ZC3H18: variants seen among roughly 807,000 people sequenced by gnomAD.
ZC3H18 encodes the protein zinc finger CCCH domain-containing protein 18.
ZC3H18 carries 8 observed loss-of-function variants against 106.1 expected under a neutral mutation model. That is an observed-to-expected ratio of 0.08 (90% CI 0.04 to 0.14). ZC3H18 has a LOEUF of 0.14. Among genes scored for constraint, ZC3H18 ranks in the 10% least tolerant of loss-of-function variants. The pLI is 1.00. For missense variants in ZC3H18, 1,318 were observed against 1,278.4 expected, an observed-to-expected ratio of 1.03 and a Z score of -0.47; for synonymous variants, 635 against 522.1, an observed-to-expected ratio of 1.22 and a Z score of -2.95.
In ZC3H18 at chr16:88,631,349, G is replaced by A. The variant is rs774391711; in HGVS notation, c.*50G>A. 6.5e-7 allele frequency: 1 copy of A among 1,549,036 alleles called. No individual in the cohort carries two copies. Among genetic ancestry groups the A allele is most frequent in the African/African-American group, 1.4e-5 (1 of 72,978 alleles). ...CATTTTTATACATAGGGTAAGCGCA[G>A]CCATTTTGGATTTTGCAGTTAATGT... On this transcript the variant is annotated 3_prime_UTR_variant, in exon 18 of 18. Transcript: ENST00000301011.
At chr16:88,616,430 C>T (rs1440944790) in intron 8 of ZC3H18, among the ~76,000 whole-genome samples, 2 of 152,230 alleles carry the variant, frequency 1.3e-5, no homozygotes, top group Admixed American at 1.3e-4. Flanking sequence ...GGCTGACGTT[C>T]TCTGCGTCGC....
At position 88,627,954 on chromosome 16, in the gene ZC3H18, A is replaced by G. The variant is rs765651034; in HGVS notation, c.2304A>G (p.Glu768=). ...KSKKEDGVKE[E]KRKRDSSTQP... ...AGAAAGAAGACGGTGTTAAAGAGGAAAAGCGGAAAAGGGATTCGTCCACAC... is the reference window on the plus strand; with the variant it reads ...AGAAAGAAGACGGTGTTAAAGAGGAGAAGCGGAAAAGGGATTCGTCCACAC... The change falls in exon 15 of 18, where the codon GAA becomes GAG. Residue 768 remains glutamate, a synonymous_variant. Transcript: ENST00000301011. This position sits in a 1 kb window ranked among gnomAD's most constrained non-coding sequence, Gnocchi z 4.5. 1 of 1,614,148 alleles carries G rather than the reference A, an allele frequency of 6.2e-7. No individual in the cohort carries two copies. The highest frequency in any genetic ancestry group is 1.1e-5 in the South Asian group (1 of 91,092).
At chr16:88,609,114 T>G in intron 7 of ZC3H18, 63 bp downstream of exon 7, 1 of 1,387,994 alleles carries the variant, frequency 7.2e-7, no homozygotes, top group Non-Finnish European at 1.0e-6. Flanking sequence ...TTATCCCTTT[T>G]TATTTACAGT....
chr16:88,611,732 G>A (rs1486890700), intron 8 of ZC3H18, among the ~76,000 whole-genome samples, 196 bp downstream of exon 8: 2 of 152,218 alleles, frequency 1.3e-5, no homozygotes. Context: ...AAACTCCCAA[G>A]GCCGTGACAT....
intron 7 of ZC3H18, among the ~76,000 whole-genome samples, chr16:88,610,143 C>G (rs903941144): frequency 2.0e-5 from 3 of 152,168 alleles, no homozygotes; most frequent in Non-Finnish European, 4.4e-5. Flanking sequence ...TCTCCCTGGT[C>G]TGAGCCTCAG....
At chr16:88,582,188 C>A (rs372925610) in intron 2 of ZC3H18, among the ~76,000 whole-genome samples, 1 of 148,460 alleles carries the variant, frequency 6.7e-6, no homozygotes, top group Non-Finnish European at 1.5e-5. Flanking sequence ...AATATTTTCT[C>A]CTGTTTAAAT....
At chr16:88,601,805 C>T (rs954942005) in intron 6 of ZC3H18, among the ~76,000 whole-genome samples, 1 of 152,096 alleles carries the variant, frequency 6.6e-6, no homozygotes, top group Admixed American at 6.6e-5. Flanking sequence ...TGCCATGCCT[C>T]CCCCGAGACC....
chr16:88,617,096 G>A (rs914438271), intron 8 of ZC3H18, among the ~76,000 whole-genome samples: 29 of 152,186 alleles, frequency 1.9e-4, no homozygotes, highest in African/African-American at 6.5e-4. Context: ...ACACTGCCCT[G>A]AGCTATCTGA....
chr16:88,584,763 C>A (rs558496396), intron 2 of ZC3H18, among the ~76,000 whole-genome samples: 10 of 152,302 alleles, frequency 6.6e-5, no homozygotes, highest in African/African-American at 2.4e-4. Context: ...AAGGTGGTTA[C>A]ATTGTTCTCC....
chr16:88,602,792 C>T lies in ZC3H18; in HGVS notation c.1088+2844C>T, dbSNP rs184731637. Among the ~76,000 whole-genome samples the T allele has an allele frequency of 5.4e-4, 82 of 152,274 alleles. 1 individual carries two copies. The highest frequency in any genetic ancestry group is 1.0e-3 in the Admixed American group (16 of 15,298). ...CCTCCTAAGTTGCTGGGAATATAGA[C>T]GTTAGCCACCTGATGTTGAGTTTTG... is the stretch of plus-strand genomic sequence containing the variant. On this transcript the variant is annotated intron_variant, in intron 6 of 17. Transcript: ENST00000301011.
At chr16:88,612,569 C>T (rs942325698) in intron 8 of ZC3H18, among the ~76,000 whole-genome samples, 7 of 151,048 alleles carry the variant, frequency 4.6e-5, no homozygotes, top group East Asian at 1.9e-4. Context: ...CCCAGCTACT[C>T]GGGAGGCCAA....
chr16:88,623,076 T>C (rs1367753207), intron 9 of ZC3H18, 143 bp from the exon 10 acceptor site: 1 of 1,205,736 alleles, frequency 8.3e-7, no homozygotes, highest in Non-Finnish European at 1.1e-6. Context: ...TGCGCGCGTC[T>C]GCAGCTGTGC....
rs1462487215 is a variant in ZC3H18 at position 88,577,218 on chromosome 16, G to A, written c.95G>A (p.Ser32Asn). ...GLSDDDILRD[S>N]GSDQDLDGAG... ...TCGGACGATGACATTCTGAGGGACA[G>A]CGGGTCCGATCAGGATTTGGACGGG... The change falls in exon 2 of 18, where the codon AGC (serine) becomes AAC (asparagine). Residue 32 changes from serine to asparagine, a missense_variant. By Grantham distance (46) the Ser-to-Asn change is conservative (BLOSUM62 1). Transcript: ENST00000301011. 2 of 1,613,244 alleles carry A rather than the reference G, an allele frequency of 1.2e-6. No homozygotes were observed. Among genetic ancestry groups the A allele is most frequent in the Non-Finnish European group, 8.5e-7 (1 of 1,179,660 alleles).
In ZC3H18 at chr16:88,623,919, C is replaced by A. The variant is rs375572337; in HGVS notation, c.1794-39C>A. On this transcript the variant is annotated intron_variant, in intron 10 of 17. Coordinates refer to ENST00000301011, the MANE Select transcript of ZC3H18 (RefSeq NM_144604.4). Reference sequence around the variant, plus strand: ...GTGGGCTTGGGCTGGTGAAGAAACACCCCCAGGCCCCTTCCGACACCTTTG... The same window carrying A: ...GTGGGCTTGGGCTGGTGAAGAAACAACCCCAGGCCCCTTCCGACACCTTTG... The A allele has an allele frequency of 3.2e-6, 5 of 1,571,836 alleles. No homozygotes were observed. The African/African-American group carries it at 5.4e-5, about 17-fold the overall frequency.
rs1904555767 is a variant in ZC3H18, at chr16:88,598,304, C to T, written c.815C>T (p.Pro272Leu). Residue 272 changes from proline (P) to leucine (L), a missense_variant, in exon 4 of 18, where the codon CCG (proline) becomes CTG (leucine). This residue lies in a region of ZC3H18 where 78 missense variants were observed against 67.3 expected (regional missense o/e 1.16). Transcript: ENST00000301011. ...PNGAPPLGPH[P>L]LMPANPWGGP... ...GGTGCCCCGCCTCTCGGACCTCACCCGCTGATGCCCGCCAACCCTTGGGTG... is the reference window on the plus strand; with the variant it reads ...GGTGCCCCGCCTCTCGGACCTCACCTGCTGATGCCCGCCAACCCTTGGGTG... The T allele has an allele frequency of 3.7e-6, 6 of 1,604,334 alleles. No individual in the cohort carries two copies. The highest frequency in any genetic ancestry group is 2.7e-5 in the African/African-American group (2 of 74,288).
chr16:88,592,412 T>C (rs1268855662), intron 3 of ZC3H18, among the ~76,000 whole-genome samples: 1 of 152,232 alleles, frequency 6.6e-6, no homozygotes, highest in Non-Finnish European at 1.5e-5. Context: ...CTGGGAGTCC[T>C]TGAGACCCTT....
chr16:88,571,022 C>T (rs947438086), intron 1 of ZC3H18, among the ~76,000 whole-genome samples: 5 of 152,198 alleles, frequency 3.3e-5, no homozygotes, highest in African/African-American at 9.7e-5. Flanking sequence ...TGCTCCGCAG[C>T]TTCAAAGTGT....
intron 17 of ZC3H18, 125 bp downstream of exon 17, chr16:88,630,706 T>C: frequency 1.5e-6 from 1 of 679,240 alleles, no homozygotes; most frequent in Non-Finnish European, 2.4e-6. Flanking sequence ...CAGCTCCTGC[T>C]GGTCTGACGG....
intron 15 of ZC3H18, 106 bp downstream of exon 15, chr16:88,628,225 T>C: frequency 7.6e-7 from 1 of 1,310,212 alleles, no homozygotes; most frequent in Non-Finnish European, 1.0e-6. Context: ...TGAGGGCGAG[T>C]GGGGCCTTGC....
Sources: gnomAD v4.1 joint callset for allele counts (sites outside exome capture counted in the v4.1 genomes callset) on GRCh38, gnomAD v4.1.1 for gene constraint, gnomAD v4.1.1 regional missense constraint, Gnocchi (gnomAD v3.1) non-coding constraint, MANE v1.5 for transcripts, NCBI Gene and HGNC (gene_info 2026-07-23, HGNC 2026-07-21) for gene names.